Variants in TEX38 observed in about 807,000 individuals in gnomAD.
TEX38 encodes testis-expressed protein 38.
Under a neutral mutation model 2.7 loss-of-function variants are expected in TEX38, and 5 were observed. That is an observed-to-expected ratio of 1.86 (90% CI 0.97 to 3.90). The LOEUF (loss-of-function observed/expected upper bound fraction) is 3.90, where lower values mean the gene tolerates loss of function less well. TEX38 is among the 30% of genes most tolerant of loss of function. TEX38 has a pLI of 0.00. For synonymous variants in TEX38, 110 were observed against 103.3 expected, an observed-to-expected ratio of 1.06 and a Z score of -0.39; for missense variants, 218 against 247.9, an observed-to-expected ratio of 0.88 and a Z score of 0.81.
Position 46,673,201 on chromosome 1 carries a change from G to A in TEX38, c.366G>A (p.Ala122=), listed in dbSNP as rs1430699653. Residue 122 remains alanine (A), a synonymous_variant, in exon 2 of 2, where the codon GCG becomes GCA. Transcript: ENST00000334122. ...CTGACCAAGACAGCAACCCCAAGGCGGAAGCCCCTGCTCCCCTGCAACCTG... is the reference window on the plus strand; with the variant it reads ...CTGACCAAGACAGCAACCCCAAGGCAGAAGCCCCTGCTCCCCTGCAACCTG... ...SHADQDSNPK[A]EAPAPLQPAL... 8.4e-6 allele frequency: 13 copies of A among 1,550,490 alleles called. No homozygotes were observed. The highest frequency in any genetic ancestry group is 4.9e-5 in the East Asian group (2 of 40,898).
chr1:46,671,865 C>T lies in TEX38; in HGVS notation c.-70C>T, dbSNP rs746832224. 2.0e-6 allele frequency: 3 copies of T among 1,499,364 alleles called. No individual in the cohort carries two copies. Among genetic ancestry groups the T allele is most frequent in the Non-Finnish European group, 2.7e-6 (3 of 1,099,482 alleles). 92.9% of individuals were successfully genotyped at this position (1,499,364 alleles called of 1,614,324 possible). On this transcript the variant is annotated 5_prime_UTR_variant, in exon 1 of 2. Transcript: ENST00000334122. ...CTGATTGGCTGGGCAGATGGGCTGA[C>T]TGGCTGGGCAGATGGGTGGGTGAGT...
upstream of TEX38, among the ~76,000 whole-genome samples, chr1:46,671,578 CGTAA>C (rs1404224626): frequency 1.3e-5 from 2 of 152,162 alleles, no homozygotes; most frequent in African/African-American, 2.4e-5. Flanking sequence ...CAGCAACATC[CGTAA>C]GTACCTGAGG....
At chr1:46,670,428 T>C (rs1676566037), upstream of TEX38, among the ~76,000 whole-genome samples, 1 of 152,142 alleles carries the variant, frequency 6.6e-6, no homozygotes. Context: ...AGTTTGGTTT[T>C]GGACATGTTG....
At position 46,672,882 on chromosome 1, in the gene TEX38, C is replaced by T. The variant is rs754879674; in HGVS notation, c.47C>T (p.Ser16Leu). 1.3e-5 allele frequency: 20 copies of T among 1,550,778 alleles called. No homozygotes were observed. The highest frequency in any genetic ancestry group is 1.7e-5 in the Non-Finnish European group (19 of 1,146,492). Residue 16 changes from serine (S) to leucine (L), a missense_variant, in exon 2 of 2, where the codon TCA (serine) becomes TTA (leucine). Transcript: ENST00000334122. ...EDLRFPGMWV[S>L]LYFGILGLCS... ...TTTCTTGCTGCCTTAGTGTGGGTCT[C>T]ATTGTACTTTGGAATCCTGGGGCTG...
At chr1:46,669,192 G>C, upstream of TEX38, 1 of 316,292 alleles carries the variant, frequency 3.2e-6, no homozygotes, top group South Asian at 2.7e-5. Flanking sequence ...GCCAGTCCTG[G>C]AGTGGGCTCT....
chr1:46,671,723 G>A (rs578087736), upstream of TEX38: 9 of 574,562 alleles, frequency 1.6e-5, no homozygotes, highest in African/African-American at 1.7e-4. Context: ...ACTGGATGAA[G>A]TCCCCTCCTT....
At chr1:46,672,844 A>G in intron 1 of TEX38, 29 bp from the exon 2 acceptor site, 1 of 1,529,772 alleles carries the variant, frequency 6.5e-7, no homozygotes, top group Non-Finnish European at 8.8e-7. Context: ...ATCAGCCAGC[A>G]TGCCTCTTTT....
Position 46,672,952 on chromosome 1 carries a change from G to A in TEX38, c.117G>A (p.Arg39=), listed in dbSNP as rs1280780434. The A allele has an allele frequency of 1.4e-5, 21 of 1,551,612 alleles. No individual in the cohort carries two copies. Among genetic ancestry groups the A allele is most frequent in the Non-Finnish European group, 1.7e-5 (20 of 1,146,996 alleles). The change falls in exon 2 of 2, where the codon AGG becomes AGA. Residue 39 remains arginine (R), a synonymous_variant. Coordinates refer to ENST00000334122, the MANE Select transcript of TEX38 (RefSeq NM_001145474.4). ...TGGCIIFLHW[R]KNLRREEHAQ... is the part of the protein sequence containing the mutation. ...GGTGCATTATCTTTCTGCACTGGAG[G>A]AAGAACTTGAGGCGGGAAGAGCATG...
chr1:46,672,106 A>G (rs1282110155), intron 1 of TEX38, 135 bp downstream of exon 1: 1 of 797,082 alleles, frequency 1.3e-6, no homozygotes, highest in African/African-American at 1.7e-5. Flanking sequence ...GAGATAGTCT[A>G]CTCTAGAAAA....
At position 46,671,866 on chromosome 1, in the gene TEX38, T is replaced by C; in HGVS notation, c.-69T>C. 6.6e-7 allele frequency: 1 copy of C among 1,505,120 alleles called. No individual in the cohort carries two copies. Among genetic ancestry groups the C allele is most frequent in the Non-Finnish European group, 9.1e-7 (1 of 1,104,630 alleles). The allele number at this position is 1,505,120 out of a possible 1,614,324, so 93.2% of individuals were successfully genotyped here. A position where few individuals can be genotyped will look rare whatever the true frequency, so the allele number is the denominator to read the frequency against. ...TGATTGGCTGGGCAGATGGGCTGAC[T>C]GGCTGGGCAGATGGGTGGGTGAGTT... On this transcript the variant is annotated 5_prime_UTR_variant, in exon 1 of 2. Transcript: ENST00000334122.
At chr1:46,671,589 G>A (rs1020561290), upstream of TEX38, among the ~76,000 whole-genome samples, 1 of 152,176 alleles carries the variant, frequency 6.6e-6, no homozygotes, top group Admixed American at 6.5e-5. Context: ...GTAAGTACCT[G>A]AGGGACAATG....
At position 46,672,952 on chromosome 1, in the gene TEX38, GA is replaced by G. The variant is rs1397188582; in HGVS notation, c.119del (p.Lys40ArgfsTer3). The G allele has an allele frequency of 7.1e-6, 11 of 1,551,612 alleles. No homozygotes were observed. Among genetic ancestry groups the G allele is most frequent in the Non-Finnish European group, 9.6e-6 (11 of 1,146,996 alleles). On this transcript the variant is annotated frameshift_variant, in exon 2 of 2. Transcript: ENST00000334122. LOFTEE classifies it low-confidence loss of function (END_TRUNC). Reference sequence around the variant, plus strand: ...GGTGCATTATCTTTCTGCACTGGAGGAAGAACTTGAGGCGGGAAGAGCATGC... The same window carrying G: ...GGTGCATTATCTTTCTGCACTGGAGGAGAACTTGAGGCGGGAAGAGCATGC... ...GGCIIFLHWRKNLRREEHAQQ... is the reference protein window; with the variant it reads ...GGCIIFLHWRXNLRREEHAQQ...
chr1:46,673,102 C>T lies in TEX38; in HGVS notation c.267C>T (p.Val89=). 7 of 1,551,810 alleles carry T rather than the reference C, an allele frequency of 4.5e-6. No homozygotes were observed. The highest frequency in any genetic ancestry group is 6.1e-6 in the Non-Finnish European group (7 of 1,147,020). The stretch of plus-strand genomic sequence containing the variant: ...TCAACACGGGCCCTGCCCCTGCTGT[C>T]ACCAAGACTGAGACTGAGGTCCAGA... ...AAINTGPAPA[V]TKTETEVQNP... Residue 89 remains valine (V), a synonymous_variant, in exon 2 of 2, where the codon GTC becomes GTT. Transcript: ENST00000334122.
chr1:46,672,717 T>C (rs1262904721), intron 1 of TEX38, among the ~76,000 whole-genome samples, 156 bp from the exon 2 acceptor site: 1 of 152,180 alleles, frequency 6.6e-6, no homozygotes, highest in Non-Finnish European at 1.5e-5. Flanking sequence ...AAGGGAATGA[T>C]GAGGCAAGTC....
At position 46,673,028 on chromosome 1, in the gene TEX38, T is replaced by C; in HGVS notation, c.193T>C (p.Leu65=). The C allele has an allele frequency of 1.3e-6, 2 of 1,551,716 alleles. No homozygotes were observed. The highest frequency in any genetic ancestry group is 1.7e-6 in the Non-Finnish European group (2 of 1,146,984). ...MRAATFTYSP[L]LYWINKRRRY... ...AGCTGCCACATTCACCTACAGCCCATTGTTGTACTGGATTAACAAGCGACG... is the reference window on the plus strand; with the variant it reads ...AGCTGCCACATTCACCTACAGCCCACTGTTGTACTGGATTAACAAGCGACG... The change falls in exon 2 of 2, where the codon TTG becomes CTG. Residue 65 remains leucine (L), a synonymous_variant. Transcript: ENST00000334122.
At chr1:46,671,771 G>C (rs1432244027), upstream of TEX38, 5 of 727,524 alleles carry the variant, frequency 6.9e-6, no homozygotes, top group Admixed American at 1.0e-4. Context: ...ACTGCCCCTA[G>C]AATGCCCAAT....
In TEX38 at chr1:46,671,874, C is replaced by A; in HGVS notation, c.-61C>A. 6.6e-7 allele frequency: 1 copy of A among 1,521,462 alleles called. No individual in the cohort carries two copies. Among genetic ancestry groups the A allele is most frequent in the Non-Finnish European group, 8.9e-7 (1 of 1,120,022 alleles). The allele number at this position is 1,521,462 out of a possible 1,614,324, so 94.2% of individuals were successfully genotyped here. A position where few individuals can be genotyped will look rare whatever the true frequency, so the allele number is the denominator to read the frequency against. ...TGGGCAGATGGGCTGACTGGCTGGG[C>A]AGATGGGTGGGTGAGTTCCCTCTCC... On this transcript the variant is annotated 5_prime_UTR_variant, in exon 1 of 2. Coordinates refer to ENST00000334122, the MANE Select transcript of TEX38 (RefSeq NM_001145474.4).
intron 1 of TEX38, 80 bp downstream of exon 1, chr1:46,672,051 G>A (rs1676591594): frequency 3.6e-6 from 5 of 1,391,044 alleles, no homozygotes; most frequent in Non-Finnish European, 4.8e-6. Flanking sequence ...CCCTTTGCAT[G>A]GATGGGACAG....
chr1:46,669,391 A>G (rs1442764164), upstream of TEX38: 15 of 455,912 alleles, frequency 3.3e-5, no homozygotes, highest in Non-Finnish European at 6.2e-5. Flanking sequence ...ATGCCAGCCC[A>G]TACCTGGCTC....
Sources: allele counts gnomAD v4.1 joint callset (sites outside exome capture counted in the v4.1 genomes callset), GRCh38; gene constraint gnomAD v4.1.1; transcripts MANE v1.5; gene names NCBI Gene and HGNC (gene_info 2026-07-23, HGNC 2026-07-21).